Variants in LNX1 observed in about 807,000 individuals in gnomAD.
LNX1 encodes the protein ligand of numb-protein X 1, also known as E3 ubiquitin-protein ligase LNX.
In LNX1, 54 loss-of-function variants were observed where a neutral mutation model predicts 68.4. The observed-to-expected ratio is 0.79, with a 90% CI of 0.63 to 0.99. LNX1 has a LOEUF of 0.99. Ranked by LOEUF, LNX1 falls within the 50% of genes least tolerant of loss-of-function variation. The pLI is 0.00. For missense variants in LNX1, 906 were observed against 926.4 expected, an observed-to-expected ratio of 0.98 and a Z score of 0.29; for synonymous variants, 336 against 350.0, an observed-to-expected ratio of 0.96 and a Z score of 0.45.
chr4:53,527,051 T>TAAAAAAAAAAAAAAAAA (rs11415751), intron 2 of LNX1, among the ~76,000 whole-genome samples: 4 of 121,454 alleles, frequency 3.3e-5, no homozygotes, highest in Admixed American at 1.7e-4. Context: ...TCCCTGCCCC[T>TAAAAAAAAAAAAAAAAA]AAAAAAAAAA....
At chr4:53,578,487 T>C (rs1453579147) in intron 1 of LNX1, among the ~76,000 whole-genome samples, 1 of 152,200 alleles carries the variant, frequency 6.6e-6, no homozygotes. Flanking sequence ...ATAGAAAAGG[T>C]ACAGTAAAAA....
chr4:53,526,296 T>A (rs1727605266), intron 2 of LNX1, among the ~76,000 whole-genome samples: 1 of 152,126 alleles, frequency 6.6e-6, no homozygotes, highest in South Asian at 2.1e-4. Flanking sequence ...TGATGTAAAA[T>A]GATGAGTACT....
intron 9 of LNX1, among the ~76,000 whole-genome samples, chr4:53,465,646 G>A (rs1234998509): frequency 1.3e-5 from 2 of 152,194 alleles, no homozygotes; most frequent in Admixed American, 1.3e-4. Context: ...TCCAGAGCTA[G>A]TTGTGTTTAT....
intron 2 of LNX1, among the ~76,000 whole-genome samples, chr4:53,604,877 G>T (rs1315227607): frequency 6.6e-6 from 1 of 152,216 alleles, no homozygotes; most frequent in Non-Finnish European, 1.5e-5. Flanking sequence ...GAAACATGAA[G>T]CTGTATATGT....
chr4:53,551,758 C>T (rs2109701299), intron 2 of LNX1, among the ~76,000 whole-genome samples: 2 of 152,252 alleles, frequency 1.3e-5, no homozygotes, highest in East Asian at 3.9e-4. Flanking sequence ...TCCTTTTGTT[C>T]CTGCTCTAAA....
chr4:53,463,014 A>G lies in LNX1; in HGVS notation c.1893-1421T>C, dbSNP rs577894565. Among the ~76,000 whole-genome samples the G allele has an allele frequency of 2.0e-4, 30 of 152,204 alleles. No homozygotes were observed. The South Asian group carries it at 5.0e-3, about 25-fold the overall frequency. On this transcript the variant is annotated intron_variant, in intron 9 of 10. Coordinates refer to ENST00000263925, the MANE Select transcript of LNX1 (RefSeq NM_001126328.3). ...TCCCACCTGGGAGGATGTGTGCCCA[A>G]TTTTTTGGAGAAAGGTAAGAATTAG...
At chr4:53,579,654 A>G (rs1194943483) in intron 1 of LNX1, among the ~76,000 whole-genome samples, 3 of 152,162 alleles carry the variant, frequency 2.0e-5, no homozygotes, top group Non-Finnish European at 4.4e-5. Flanking sequence ...ATTTAAGAAC[A>G]GCCTTTGGAA....
intron 2 of LNX1, among the ~76,000 whole-genome samples, chr4:53,557,571 A>G (rs1412243510): frequency 6.6e-6 from 1 of 151,868 alleles, no homozygotes; most frequent in Non-Finnish European, 1.5e-5. Flanking sequence ...AGTTCTATTT[A>G]CGGAAGGAAG....
intron 1 of LNX1, among the ~76,000 whole-genome samples, chr4:53,583,766 G>T (rs979880571): frequency 1.1e-4 from 16 of 152,180 alleles, no homozygotes; most frequent in Non-Finnish European, 2.4e-4. Context: ...GTCAGGGAAT[G>T]CCTTTCATAA....
intron 2 of LNX1, among the ~76,000 whole-genome samples, chr4:53,531,324 C>T (rs982480303): frequency 2.0e-5 from 3 of 152,202 alleles, no homozygotes; most frequent in African/African-American, 7.2e-5. Context: ...TCTTTTCCTG[C>T]ACCAGCTCAC....
chr4:53,567,514 A>C (rs1198641924), intron 2 of LNX1, among the ~76,000 whole-genome samples: 1 of 152,258 alleles, frequency 6.6e-6, no homozygotes, highest in Admixed American at 6.5e-5. Flanking sequence ...AGGGAAATTT[A>C]TAGCACTAAG....
At chr4:53,595,517 T>C (rs1274201860), upstream of LNX1, among the ~76,000 whole-genome samples, 1 of 152,236 alleles carries the variant, frequency 6.6e-6, no homozygotes, top group Non-Finnish European at 1.5e-5. Flanking sequence ...ATATGCCATT[T>C]CGGCAACCAC....
intron 2 of LNX1, among the ~76,000 whole-genome samples, chr4:53,527,003 GC>G (rs1727656633): frequency 6.9e-6 from 1 of 145,164 alleles, no homozygotes; most frequent in East Asian, 2.0e-4. Context: ...TACATAAGAG[GC>G]TAAATATATG....
upstream of LNX1, chr4:53,594,046 T>C (rs887373367): frequency 6.6e-6 from 1 of 152,036 alleles, no homozygotes; most frequent in African/African-American, 2.4e-5. Context: ...TAGAAACCTG[T>C]AGAAGTAGCC....
At chr4:53,482,508 T>C (rs1724013870) in intron 6 of LNX1, among the ~76,000 whole-genome samples, 1 of 152,184 alleles carries the variant, frequency 6.6e-6, no homozygotes, top group Admixed American at 6.5e-5. Flanking sequence ...GTATATACCA[T>C]GGAATACTAC....
chr4:53,630,232 T>C (rs1734218635), intron 1 of LNX1, among the ~76,000 whole-genome samples: 1 of 152,124 alleles, frequency 6.6e-6, no homozygotes, highest in Non-Finnish European at 1.5e-5. Flanking sequence ...TTACTCAGAA[T>C]TGGGTATTTA....
At chr4:53,617,850 G>T (rs1243408864), upstream of LNX1, among the ~76,000 whole-genome samples, 1 of 152,082 alleles carries the variant, frequency 6.6e-6, no homozygotes, top group African/African-American at 2.4e-5. Context: ...TCTATTATTT[G>T]TTAACCAATA....
intron 2 of LNX1, among the ~76,000 whole-genome samples, chr4:53,529,473 A>T (rs1426139887): frequency 6.6e-6 from 1 of 152,200 alleles, no homozygotes; most frequent in Non-Finnish European, 1.5e-5. Flanking sequence ...CTACATTCAC[A>T]TAAGACTGCG....
In LNX1 at chr4:53,508,024, A is replaced by C. The variant is rs769360834; in HGVS notation, c.584T>G (p.Ile195Ser). The C allele has an allele frequency of 3.7e-6, 6 of 1,614,090 alleles. No homozygotes were observed. Among genetic ancestry groups the C allele is most frequent in the Non-Finnish European group, 5.1e-6 (6 of 1,179,996 alleles). The stretch of plus-strand genomic sequence containing the variant: ...GCTCCGGCCAGAGTCCACTGGGCTG[A>C]TTGCTGGCTGCCCGTCCTCTGCCGA... ...VSSAEDGQPA[I>S]SPVDSGRSNR... The change falls in exon 3 of 11, where the codon ATC (isoleucine) becomes AGC (serine). Residue 195 changes from isoleucine (I) to serine (S), a missense_variant. Ile to Ser is a moderately radical substitution (Grantham distance 142, BLOSUM62 -2). Transcript: ENST00000263925.
Sources: allele counts gnomAD v4.1 joint callset (sites outside exome capture counted in the v4.1 genomes callset), GRCh38; gene constraint gnomAD v4.1.1; transcripts MANE v1.5; gene names NCBI Gene and HGNC (gene_info 2026-07-23, HGNC 2026-07-21).